The following RSAD2 variants were observed in gnomAD, a reference collection of about 807,000 sequenced individuals.
RSAD2 encodes radical S-adenosyl methionine domain containing 2, also known as S-adenosylmethionine-dependent nucleotide dehydratase RSAD2.
A neutral mutation model predicts 37.7 loss-of-function variants in RSAD2; 38 were observed. The observed-to-expected ratio is 1.01, with a 90% CI of 0.78 to 1.32. RSAD2 has a LOEUF of 1.32. Among genes scored for constraint, RSAD2 ranks in the 40% most tolerant of loss-of-function variants. RSAD2 has a pLI of 0.00. For missense variants in RSAD2, 428 were observed against 437.5 expected (o/e 0.98, Z 0.19); for synonymous variants, 163 against 157.4 (o/e 1.04, Z -0.27).
chr2:6,878,490 T>A (rs925182913), intron 1 of RSAD2, among the ~76,000 whole-genome samples: 9 of 152,208 alleles, frequency 5.9e-5, no homozygotes, highest in African/African-American at 1.2e-4. Context: ...TGTACTACTT[T>A]CTGAGTTTGC....
At chr2:6,873,648 C>T (rs755621693), upstream of RSAD2, among the ~76,000 whole-genome samples, 18 of 152,168 alleles carry the variant, frequency 1.2e-4, no homozygotes, top group Admixed American at 2.0e-4. Flanking sequence ...TCGAAGTCTT[C>T]TGATTATCAC....
upstream of RSAD2, among the ~76,000 whole-genome samples, chr2:6,876,469 G>T (rs1663282791): frequency 6.6e-6 from 1 of 152,290 alleles, no homozygotes; most frequent in South Asian, 2.1e-4. Context: ...AATTTAACAG[G>T]TGCCTGTATG....
chr2:6,880,961 A>C (rs1449489107), intron 1 of RSAD2, among the ~76,000 whole-genome samples: 1 of 152,176 alleles, frequency 6.6e-6, no homozygotes, highest in Non-Finnish European at 1.5e-5. Context: ...AATAATGAGC[A>C]TCAGATCTGG....
At chr2:6,879,146 G>C in intron 1 of RSAD2, 1 of 441,380 alleles carries the variant, frequency 2.3e-6, no homozygotes, top group South Asian at 1.6e-5. Flanking sequence ...TGACTTCTTT[G>C]CTCCACGTTA....
chr2:6,872,062 G>A (rs1663212150), intron 1 of RSAD2, among the ~76,000 whole-genome samples: 1 of 152,160 alleles, frequency 6.6e-6, no homozygotes, highest in Non-Finnish European at 1.5e-5. Context: ...TGGGGTGGAT[G>A]CAGATGGGAT....
At chr2:6,878,176 G>A in intron 1 of RSAD2, 30 bp downstream of exon 1, 1 of 1,581,694 alleles carries the variant, frequency 6.3e-7, no homozygotes, top group South Asian at 1.2e-5. Context: ...CAGAAATCAG[G>A]ATTCTCAACC....
intron 4 of RSAD2, among the ~76,000 whole-genome samples, chr2:6,893,343 T>A (rs1034126811): frequency 6.6e-6 from 1 of 152,122 alleles, no homozygotes; most frequent in Admixed American, 6.5e-5. Context: ...ATCAGAAATA[T>A]CATGTAAAGA....
At chr2:6,882,989 C>T (rs1470860404) in intron 1 of RSAD2, among the ~76,000 whole-genome samples, 1 of 152,154 alleles carries the variant, frequency 6.6e-6, no homozygotes, top group Admixed American at 6.5e-5. Context: ...ATGCGGAATC[C>T]AGGACAAGGA....
chr2:6,878,198 G>A (rs767583875), intron 1 of RSAD2, 52 bp downstream of exon 1: 1 of 1,508,542 alleles, frequency 6.6e-7, no homozygotes, highest in African/African-American at 1.4e-5. Flanking sequence ...CTGGGCAGTG[G>A]GGTAAGGCGA....
intron 1 of RSAD2, chr2:6,866,106 C>T: frequency 4.2e-6 from 1 of 235,796 alleles, no homozygotes; most frequent in Non-Finnish European, 8.6e-6. Context: ...AGTTCCTCCT[C>T]TGCGGCTTAT....
upstream of RSAD2, chr2:6,877,096 C>T (rs1250241303): frequency 6.6e-6 from 1 of 152,218 alleles, no homozygotes. Flanking sequence ...CAGTAATTCT[C>T]ACCAATTAGG....
chr2:6,893,618 A>T (rs1268076635), intron 4 of RSAD2, 53 bp from the exon 5 acceptor site: 2 of 1,401,664 alleles, frequency 1.4e-6, no homozygotes, highest in African/African-American at 1.4e-5. Flanking sequence ...AATTGAGCTC[A>T]CATACTGAGA....
At chr2:6,882,931 T>C (rs1364096473) in intron 1 of RSAD2, among the ~76,000 whole-genome samples, 2 of 152,096 alleles carry the variant, frequency 1.3e-5, no homozygotes, top group African/African-American at 4.8e-5. Flanking sequence ...TTCAGGAAGC[T>C]TGTAAAGGGA....
At chr2:6,882,965 C>G (rs1663444498) in intron 1 of RSAD2, among the ~76,000 whole-genome samples, 1 of 151,138 alleles carries the variant, frequency 6.6e-6, no homozygotes, top group South Asian at 2.1e-4. Flanking sequence ...GGGAGTAGCC[C>G]AAGAGGGTGG....
chr2:6,881,511 AT>A (rs1410490370), intron 1 of RSAD2, among the ~76,000 whole-genome samples: 1 of 152,250 alleles, frequency 6.6e-6, no homozygotes, highest in Non-Finnish European at 1.5e-5. Flanking sequence ...CTTGGCTTCA[AT>A]TCTTCCACTA....
intron 1 of RSAD2, among the ~76,000 whole-genome samples, chr2:6,870,242 C>T (rs754290943): frequency 5.9e-5 from 9 of 152,098 alleles, no homozygotes; most frequent in African/African-American, 1.9e-4. Context: ...GTGTCAGAAG[C>T]GGAATAAGAA....
chr2:6,866,140 G>A, intron 1 of RSAD2: 1 of 214,044 alleles, frequency 4.7e-6, no homozygotes, highest in Non-Finnish European at 9.7e-6. Flanking sequence ...AGGGGGGCGG[G>A]GGTGCACGCG....
At chr2:6,883,315 T>G in intron 1 of RSAD2, 56 bp from the exon 2 acceptor site, 1 of 1,532,490 alleles carries the variant, frequency 6.5e-7, no homozygotes, top group Non-Finnish European at 8.9e-7. Flanking sequence ...ACTTTTGCTA[T>G]TAAAATAATA....
chr2:6,895,592 C>T (rs965344404), intron 5 of RSAD2, among the ~76,000 whole-genome samples, 186 bp from the exon 6 acceptor site: 2 of 152,254 alleles, frequency 1.3e-5, no homozygotes, highest in Non-Finnish European at 2.9e-5. Flanking sequence ...CCAGCCTCTT[C>T]CACCAGACCA....
Sources: gnomAD v4.1 joint callset for allele counts (sites outside exome capture counted in the v4.1 genomes callset) on GRCh38, gnomAD v4.1.1 for gene constraint, MANE v1.5 for transcripts, NCBI Gene and HGNC (gene_info 2026-07-23, HGNC 2026-07-21) for gene names.